CD226: variants seen among roughly 807,000 people sequenced by gnomAD.
CD226 encodes the protein CD226 molecule.
In CD226, 24 loss-of-function variants were observed where a neutral mutation model predicts 34.9. The ratio of observed to expected loss-of-function variants is 0.69; its 90% CI spans 0.50 to 0.97. The LOEUF (loss-of-function observed/expected upper bound fraction) is 0.97. Ranked by LOEUF, CD226 falls within the 50% of genes least tolerant of loss-of-function variation. CD226 has a pLI of 0.00. For synonymous variants in CD226, 148 were observed against 147.4 expected, an observed-to-expected ratio of 1.00 and a Z score of -0.03; for missense variants, 397 against 412.7, an observed-to-expected ratio of 0.96 and a Z score of 0.33.
chr18:69,908,175 G>A (rs1358534935), intron 2 of CD226, among the ~76,000 whole-genome samples: 3 of 152,162 alleles, frequency 2.0e-5, no homozygotes, highest in Non-Finnish European at 4.4e-5. Flanking sequence ...ATATAACAAA[G>A]TACTGCACTT....
intron 3 of CD226, among the ~76,000 whole-genome samples, chr18:69,887,256 T>G (rs532134487): frequency 7.2e-5 from 11 of 152,234 alleles, no homozygotes; most frequent in African/African-American, 2.4e-4. Flanking sequence ...TACGGCAGGT[T>G]GAAAAATAAA....
At chr18:69,875,771 T>A (rs1983827263) in intron 3 of CD226, among the ~76,000 whole-genome samples, 1 of 152,226 alleles carries the variant, frequency 6.6e-6, no homozygotes, top group Admixed American at 6.5e-5. Flanking sequence ...ACAGCATGGA[T>A]GAATTTGGAG....
intron 2 of CD226, among the ~76,000 whole-genome samples, chr18:69,917,383 C>T (rs550940385): frequency 6.6e-6 from 1 of 152,276 alleles, no homozygotes; most frequent in Admixed American, 6.5e-5. Flanking sequence ...AGGACACTCC[C>T]TCCCCCAGCA....
rs1301987466 is a variant in CD226, at chr18:69,857,609, G to T, written c.*6705C>A. ...TGAGATTATGTAAATTTTGAAGAAT[G>T]AAGAAAGTAAGTTATCATAGCTTCT... On this transcript the variant is annotated 3_prime_UTR_variant, in exon 6 of 6. Coordinates refer to ENST00000582621, the MANE Select transcript of CD226 (RefSeq NM_001303618.2). The T allele has an allele frequency of 6.6e-6, 1 of 152,212 alleles. No homozygotes were observed. Among genetic ancestry groups the T allele is most frequent in the Non-Finnish European group, 1.5e-5 (1 of 68,028 alleles). The allele number at this position is 152,212 out of a possible 1,614,324, so 9.4% of individuals were successfully genotyped here.
intron 2 of CD226, among the ~76,000 whole-genome samples, chr18:69,896,741 T>G (rs540397736): frequency 6.6e-6 from 1 of 152,174 alleles, no homozygotes; most frequent in Admixed American, 6.5e-5. Context: ...CAGTATCAAA[T>G]GTTCAGGTTA....
At chr18:69,903,716 C>T (rs578249979) in intron 2 of CD226, among the ~76,000 whole-genome samples, 34 of 152,138 alleles carry the variant, frequency 2.2e-4, no homozygotes, top group Non-Finnish European at 3.1e-4. Context: ...GATGCTTCCA[C>T]GAGCCAAGGA....
At chr18:69,942,594 G>T (rs1041809502) in intron 2 of CD226, among the ~76,000 whole-genome samples, 5 of 152,170 alleles carry the variant, frequency 3.3e-5, no homozygotes, top group African/African-American at 9.7e-5. Context: ...TTCAAGCACA[G>T]AATCTACTGT....
At chr18:69,938,379 C>T (rs897744667) in intron 2 of CD226, among the ~76,000 whole-genome samples, 3 of 152,178 alleles carry the variant, frequency 2.0e-5, no homozygotes, top group East Asian at 1.9e-4. Context: ...TGACCATCCT[C>T]CAAGCCACAA....
At chr18:69,905,410 A>T (rs142697660) in intron 2 of CD226, among the ~76,000 whole-genome samples, 1 of 152,332 alleles carries the variant, frequency 6.6e-6, no homozygotes, top group Non-Finnish European at 1.5e-5. Flanking sequence ...AGTAGAAAGC[A>T]AGGAAGATGT....
At chr18:69,926,082 G>A (rs935468195) in intron 2 of CD226, among the ~76,000 whole-genome samples, 16 of 152,056 alleles carry the variant, frequency 1.1e-4, no homozygotes, top group Non-Finnish European at 2.2e-4. Flanking sequence ...TGTGGAGGTC[G>A]CAGTGTGCCA....
rs1472817000 is a variant in CD226, at chr18:69,862,408, CTT to C, written c.*1904_*1905del. 3 of 152,124 alleles carry C rather than the reference CTT, an allele frequency of 2.0e-5. No homozygotes were observed. The highest frequency in any genetic ancestry group is 4.4e-5 in the Non-Finnish European group (3 of 67,980). 9.4% of individuals were successfully genotyped at this position (152,124 alleles called of 1,614,324 possible). On this transcript the variant is annotated 3_prime_UTR_variant, in exon 6 of 6. Coordinates refer to ENST00000582621, the MANE Select transcript of CD226 (RefSeq NM_001303618.2). Reference sequence around the variant, plus strand: ...AAACCAATAAATTCACTCACAGAATCTTTGATTGATCTGATAGTAGAGTGCTT... The same window carrying C: ...AAACCAATAAATTCACTCACAGAATCTGATTGATCTGATAGTAGAGTGCTT...
At chr18:69,868,065 C>T (rs1599371314) in intron 4 of CD226, among the ~76,000 whole-genome samples, 1 of 152,268 alleles carries the variant, frequency 6.6e-6, no homozygotes, top group East Asian at 1.9e-4. Context: ...GGACCATCTG[C>T]AACCACAGTA....
intron 2 of CD226, among the ~76,000 whole-genome samples, chr18:69,897,923 C>T (rs1985393570): frequency 6.6e-6 from 1 of 152,084 alleles, no homozygotes; most frequent in African/African-American, 2.4e-5. Context: ...CTCCTCTGTA[C>T]AACCGTTTAC....
chr18:69,887,263 T>C (rs770021237), intron 3 of CD226, among the ~76,000 whole-genome samples: 2 of 151,998 alleles, frequency 1.3e-5, no homozygotes, highest in Admixed American at 1.3e-4. Context: ...GGTTGAAAAA[T>C]AAACTTGTTA....
chr18:69,909,212 T>G (rs927726205), intron 2 of CD226, among the ~76,000 whole-genome samples: 1 of 152,186 alleles, frequency 6.6e-6, no homozygotes, highest in Admixed American at 6.5e-5. Flanking sequence ...CCCAATAATT[T>G]TGGGGGGACT....
Position 69,947,430 on chromosome 18 carries a change from G to T in CD226, c.-24C>A. 2.0e-6 allele frequency: 3 copies of T among 1,505,840 alleles called. No individual in the cohort carries two copies. The highest frequency in any genetic ancestry group is 2.7e-6 in the Non-Finnish European group (3 of 1,124,768). The allele number at this position is 1,505,840 out of a possible 1,614,324, so 93.3% of individuals were successfully genotyped here. On this transcript the variant is annotated 5_prime_UTR_variant, in exon 1 of 6. Transcript: ENST00000582621. ...ATCTCTGGAAACTGTTTGAAAGGCT[G>T]GTTCTATTAAAAAAAAAAATTGCTT...
chr18:69,878,654 C>T (rs539661372), intron 3 of CD226, among the ~76,000 whole-genome samples: 6 of 152,172 alleles, frequency 3.9e-5, no homozygotes, highest in Non-Finnish European at 7.3e-5. Flanking sequence ...AGGCTGGAAA[C>T]TGCAAATTAA....
At chr18:69,903,444 C>T (rs1458098448) in intron 2 of CD226, among the ~76,000 whole-genome samples, 3 of 152,094 alleles carry the variant, frequency 2.0e-5, no homozygotes, top group Non-Finnish European at 2.9e-5. Context: ...CTGCAATGTT[C>T]CCAGATGGCC....
upstream of CD226, among the ~76,000 whole-genome samples, chr18:69,949,845 C>G (rs1190028153): frequency 6.6e-6 from 1 of 152,140 alleles, no homozygotes; most frequent in Non-Finnish European, 1.5e-5. Flanking sequence ...CACTCACACT[C>G]ATGCACTTAC....
Sources: gnomAD v4.1 joint callset for allele counts (sites outside exome capture counted in the v4.1 genomes callset) on GRCh38, gnomAD v4.1.1 for gene constraint, MANE v1.5 for transcripts, NCBI Gene and HGNC (gene_info 2026-07-23, HGNC 2026-07-21) for gene names.